The following SORCS1 variants were observed in gnomAD, a reference collection of about 807,000 sequenced individuals.
The protein encoded by SORCS1 is VPS10 domain-containing receptor SorCS1.
Under a neutral mutation model 146.1 loss-of-function variants are expected in SORCS1, and 60 were observed. That is an observed-to-expected ratio of 0.41 (90% confidence interval 0.33 to 0.51). The LOEUF (loss-of-function observed/expected upper bound fraction) is 0.51. Ranked by LOEUF, SORCS1 falls within the 20% of genes least tolerant of loss-of-function variation. The pLI, the probability that SORCS1 is intolerant of heterozygous loss-of-function variation, is 0.21. For synonymous variants in SORCS1, 637 were observed against 584.0 expected (o/e 1.09, Z -1.31); for missense variants, 1,352 against 1,487.6 (o/e 0.91, Z 1.50).
chr10:106,830,677 C>G (rs1211254737), intron 2 of SORCS1, among the ~76,000 whole-genome samples: 4 of 151,090 alleles, frequency 2.6e-5, no homozygotes, highest in Non-Finnish European at 2.9e-5. Context: ...GGGTGAATCA[C>G]TTGAGGTCAG....
chr10:107,161,941 T>C (rs1444438109), intron 1 of SORCS1, among the ~76,000 whole-genome samples: 1 of 152,190 alleles, frequency 6.6e-6, no homozygotes, highest in East Asian at 1.9e-4. Flanking sequence ...GGCAGAAATC[T>C]CACCTCATTA....
At chr10:106,681,765 C>A (rs765495972) in intron 10 of SORCS1, among the ~76,000 whole-genome samples, 3 of 152,168 alleles carry the variant, frequency 2.0e-5, no homozygotes, top group Non-Finnish European at 4.4e-5. Context: ...CTTGCCACTG[C>A]TGGAAGATTT....
chr10:106,727,553 C>T (rs998650863), intron 6 of SORCS1, among the ~76,000 whole-genome samples: 1 of 152,084 alleles, frequency 6.6e-6, no homozygotes, highest in African/African-American at 2.4e-5. Context: ...TATACATGGT[C>T]CCTGCTCTCA....
At chr10:106,620,893 G>C (rs1341525471) in intron 19 of SORCS1, among the ~76,000 whole-genome samples, 3 of 152,226 alleles carry the variant, frequency 2.0e-5, no homozygotes, top group South Asian at 2.1e-4. Context: ...GTCTTTCCAA[G>C]AGGTTGTATC....
At chr10:106,885,289 G>C (rs1225734800) in intron 2 of SORCS1, among the ~76,000 whole-genome samples, 1 of 149,030 alleles carries the variant, frequency 6.7e-6, no homozygotes, top group Non-Finnish European at 1.5e-5. Flanking sequence ...GAAAATTGGG[G>C]GGGGGGAACT....
At chr10:106,920,575 C>T (rs561645710) in intron 2 of SORCS1, among the ~76,000 whole-genome samples, 1 of 152,338 alleles carries the variant, frequency 6.6e-6, no homozygotes, top group East Asian at 1.9e-4. Flanking sequence ...GCCACCTGCA[C>T]TGCAGAAAGG....
chr10:107,088,820 GT>G (rs566026000), intron 1 of SORCS1, among the ~76,000 whole-genome samples: 242 of 152,292 alleles, frequency 1.6e-3, no homozygotes, highest in African/African-American at 5.6e-3. Context: ...CCCTGAATTT[GT>G]CATGGTTCCT....
chr10:106,862,682 G>A (rs565153533), intron 2 of SORCS1, among the ~76,000 whole-genome samples: 6 of 148,868 alleles, frequency 4.0e-5, no homozygotes, highest in Non-Finnish European at 7.4e-5. Context: ...GCGGTGGCTC[G>A]CGCCTGTAAT....
chr10:106,930,569 C>T (rs1953364733), intron 2 of SORCS1, among the ~76,000 whole-genome samples: 1 of 152,142 alleles, frequency 6.6e-6, no homozygotes, highest in Non-Finnish European at 1.5e-5. Context: ...AAATTATTAT[C>T]TTCACATTCA....
chr10:107,161,363 G>A, intron 1 of SORCS1, among the ~76,000 whole-genome samples: 1 of 152,112 alleles, frequency 6.6e-6, no homozygotes, highest in East Asian at 1.9e-4. Context: ...TATAGGGGAG[G>A]ACATCTAAAT....
chr10:106,972,530 CTTCT>C (rs1192981996), intron 1 of SORCS1, among the ~76,000 whole-genome samples: 1 of 150,254 alleles, frequency 6.7e-6, no homozygotes, highest in Non-Finnish European at 1.5e-5. Context: ...TCTTACCTTT[CTTCT>C]TTTTTTTTTT....
chr10:106,667,026 G>A (rs1851212759), intron 17 of SORCS1: 1 of 151,978 alleles, frequency 6.6e-6, no homozygotes, highest in Admixed American at 6.6e-5. Context: ...AATTTAAATA[G>A]GTTCTACACA....
intron 2 of SORCS1, among the ~76,000 whole-genome samples, chr10:106,856,026 AC>A (rs1420096645): frequency 7.6e-6 from 1 of 131,716 alleles, no homozygotes; most frequent in East Asian, 2.3e-4. Context: ...GGGAGACACA[AC>A]ATTTTTTTTT....
At chr10:106,620,362 C>T in intron 20 of SORCS1, 66 bp downstream of exon 20, 3 of 1,555,196 alleles carry the variant, frequency 1.9e-6, no homozygotes, top group Non-Finnish European at 2.6e-6. Flanking sequence ...ATTTCATTCC[C>T]TCCTTTGCTT....
At chr10:107,026,140 G>T (rs909309976) in intron 1 of SORCS1, among the ~76,000 whole-genome samples, 12 of 152,174 alleles carry the variant, frequency 7.9e-5, no homozygotes, top group African/African-American at 2.4e-4. Context: ...ATTTTCAAAT[G>T]AATTTGGGTT....
chr10:106,880,610 C>T (rs1053449598), intron 2 of SORCS1, among the ~76,000 whole-genome samples: 2 of 152,082 alleles, frequency 1.3e-5, no homozygotes, highest in African/African-American at 4.8e-5. Flanking sequence ...TTAGTACAAT[C>T]TACTTTGAGA....
intron 1 of SORCS1, among the ~76,000 whole-genome samples, chr10:107,065,811 C>T (rs777590393): frequency 2.6e-5 from 4 of 152,100 alleles, no homozygotes; most frequent in Non-Finnish European, 5.9e-5. Context: ...AGCCACCACT[C>T]CCAGCCCTAG....
chr10:106,819,809 T>C (rs1265291834), intron 3 of SORCS1, among the ~76,000 whole-genome samples: 1 of 152,204 alleles, frequency 6.6e-6, no homozygotes, highest in Non-Finnish European at 1.5e-5. Flanking sequence ...CCTCTGAAAG[T>C]CTTAATAAGT....
intron 24 of SORCS1, among the ~76,000 whole-genome samples, chr10:106,581,663 A>G (rs1024943725): frequency 2.0e-5 from 3 of 152,084 alleles, no homozygotes; most frequent in South Asian, 4.1e-4. Context: ...ACAACCATCA[A>G]CCAACAGCCA....
Sources: allele counts gnomAD v4.1 joint callset (sites outside exome capture counted in the v4.1 genomes callset), GRCh38; gene constraint gnomAD v4.1.1; transcripts MANE v1.5; gene names NCBI Gene and HGNC (gene_info 2026-07-23, HGNC 2026-07-21).